Variants in INVS observed in about 807,000 individuals in gnomAD.
The protein encoded by INVS is inversin.
Under a neutral mutation model 108.8 loss-of-function variants are expected in INVS, and 86 were observed. The ratio of observed to expected loss-of-function variants is 0.79; its 90% CI spans 0.66 to 0.95. The LOEUF is 0.95. INVS is among the 40% of genes least tolerant of loss of function. INVS has a pLI of 0.00. For synonymous variants in INVS, 455 were observed against 473.5 expected, an observed-to-expected ratio of 0.96 and a Z score of 0.51; for missense variants, 1,169 against 1,297.4, an observed-to-expected ratio of 0.90 and a Z score of 1.52.
intron 3 of INVS, among the ~76,000 whole-genome samples, chr9:100,199,551 G>A (rs1195987522): frequency 1.3e-5 from 2 of 151,970 alleles, no homozygotes; most frequent in Non-Finnish European, 2.9e-5. Context: ...TTTTTAAGAG[G>A]TTGCTTTAGG....
At chr9:100,270,109 T>G (rs1193157572) in intron 11 of INVS, among the ~76,000 whole-genome samples, 3 of 140,552 alleles carry the variant, frequency 2.1e-5, no homozygotes, top group African/African-American at 7.6e-5. Flanking sequence ...TTGGGGGATT[T>G]TTTTTACTTC....
intron 10 of INVS, among the ~76,000 whole-genome samples, chr9:100,257,175 G>C (rs996888721): frequency 1.3e-5 from 2 of 152,028 alleles, no homozygotes; most frequent in African/African-American, 4.8e-5. Context: ...GGCCTTCTTT[G>C]TCTCTTTTGA....
Position 100,229,650 on chromosome 9 carries a change from G to C in INVS, c.448-10G>C. On this transcript the variant is annotated splice_polypyrimidine_tract_variant and intron_variant, in intron 4 of 16. Transcript: ENST00000262457. ...ACTGTTGTTATTTCGAGAACCTCTC[G>C]ATTTTGCAGCAAACAGCTCTGCATT... The C allele has an allele frequency of 6.2e-7, 1 of 1,613,464 alleles. No individual in the cohort carries two copies. The highest frequency in any genetic ancestry group is 8.5e-7 in the Non-Finnish European group (1 of 1,179,560).
chr9:100,195,824 A>G (rs10989010), intron 3 of INVS, among the ~76,000 whole-genome samples: 29,382 of 152,148 alleles, frequency 0.19, 4,525 homozygotes, highest in African/African-American at 0.43. Flanking sequence ...CCAACCTTGC[A>G]CTTCTGGGAT....
chr9:100,268,218 T>A (rs902319704), intron 11 of INVS, among the ~76,000 whole-genome samples: 2 of 152,164 alleles, frequency 1.3e-5, no homozygotes, highest in Admixed American at 1.3e-4. Context: ...AATACTTGTT[T>A]ATATACAGGA....
intron 3 of INVS, among the ~76,000 whole-genome samples, chr9:100,184,542 G>A (rs1829998725): frequency 6.6e-6 from 1 of 152,130 alleles, no homozygotes; most frequent in Admixed American, 6.6e-5. Flanking sequence ...ATAGGTTTGT[G>A]TAGTATTTAA....
In INVS at chr9:100,117,284, C is replaced by T. The variant is rs1827564706; in HGVS notation, c.107-9099C>T. On this transcript the variant is annotated intron_variant, in intron 2 of 16. Transcript: ENST00000262457. ...TTTGAACCTGGTGCTCTGGCCAGCA[C>T]GGGTCTGCTTCTGCACCGGCGTAAC... 5.4e-6 allele frequency: 4 copies of T among 735,696 alleles called. No homozygotes were observed. In the Admixed American group the frequency reaches 5.8e-5, roughly 11 times the overall value. The allele number at this position is 735,696 out of a possible 1,614,324, so 45.6% of individuals were successfully genotyped here. A position where few individuals can be genotyped will look rare whatever the true frequency, so the allele number is the denominator to read the frequency against.
In INVS at chr9:100,252,266, T is replaced by C; in HGVS notation, c.1079-17T>C. ...TGTTATTGACTAGTTCATCACTTTC[T>C]GTTGGTTCCCTTTTAGCTTTGCATG... On this transcript the variant is annotated splice_polypyrimidine_tract_variant and intron_variant, in intron 8 of 16. Transcript: ENST00000262457. 6.2e-7 allele frequency: 1 copy of C among 1,613,828 alleles called. No homozygotes were observed. The highest frequency in any genetic ancestry group is 8.5e-7 in the Non-Finnish European group (1 of 1,179,706).
intron 3 of INVS, among the ~76,000 whole-genome samples, chr9:100,148,711 CA>C (rs999574338): frequency 1.3e-5 from 2 of 152,172 alleles, no homozygotes; most frequent in African/African-American, 4.8e-5. Context: ...TTTAAAGCTA[CA>C]AAAACATTTT....
chr9:100,178,109 A>C (rs7860268), intron 3 of INVS, among the ~76,000 whole-genome samples: 24,267 of 152,186 alleles, frequency 0.16, 2,687 homozygotes, highest in African/African-American at 0.32. Flanking sequence ...GTGCACACTG[A>C]AACCCCATCC....
chr9:100,283,495 T>G (rs1833340060), intron 12 of INVS, among the ~76,000 whole-genome samples: 1 of 152,126 alleles, frequency 6.6e-6, no homozygotes. Context: ...TGTCTTTCCC[T>G]TGGGAATCCC....
intron 2 of INVS, among the ~76,000 whole-genome samples, chr9:100,110,100 A>G (rs1190989775): frequency 1.3e-5 from 2 of 152,248 alleles, no homozygotes; most frequent in Non-Finnish European, 2.9e-5. Flanking sequence ...AGAGTCATTA[A>G]ATGTTTTTAA....
intron 3 of INVS, among the ~76,000 whole-genome samples, chr9:100,188,959 C>G (rs1397520667): frequency 6.6e-6 from 1 of 152,044 alleles, no homozygotes; most frequent in African/African-American, 2.4e-5. Context: ...TCCATTTCCT[C>G]TAGATTTCCT....
chr9:100,189,770 T>A (rs75142946), intron 3 of INVS, among the ~76,000 whole-genome samples: 1 of 152,266 alleles, frequency 6.6e-6, no homozygotes, highest in East Asian at 1.9e-4. Context: ...TGTTTTTTTT[T>A]AATAGACGGG....
intron 3 of INVS, among the ~76,000 whole-genome samples, chr9:100,192,335 A>T (rs924814232): frequency 6.6e-6 from 1 of 151,496 alleles, no homozygotes; most frequent in African/African-American, 2.4e-5. Context: ...CTTTCACTCA[A>T]TATTTTTGAG....
At position 100,231,670 on chromosome 9, in the gene INVS, A is replaced by G. The variant is rs562350249; in HGVS notation, c.615+1843A>G. Reference sequence around the variant, plus strand: ...TTTCCAGCTTCAACCATCTCCCTGCAAAGAACATGAACTCATTCTTTTTTA... The same window carrying G: ...TTTCCAGCTTCAACCATCTCCCTGCGAAGAACATGAACTCATTCTTTTTTA... On this transcript the variant is annotated intron_variant, in intron 5 of 16. Coordinates refer to ENST00000262457, the MANE Select transcript of INVS (RefSeq NM_014425.5). Among the ~76,000 whole-genome samples the G allele has an allele frequency of 2.6e-5, 4 of 152,274 alleles. No individual in the cohort carries two copies. In the South Asian group the frequency reaches 8.3e-4, roughly 32 times the overall value.
At chr9:100,252,796 TTCTATTCATTTTAATAAA>T in intron 9 of INVS, 93 bp from the exon 10 acceptor site, 1 of 787,886 alleles carries the variant, frequency 1.3e-6, no homozygotes, top group African/African-American at 1.7e-5. Flanking sequence ...ATTGTTTTTC[TTCTATTCATTTTAATAAA>T]TGCATTTAAG....
chr9:100,253,220 G>A, intron 10 of INVS, 84 bp downstream of exon 10: 3 of 1,054,220 alleles, frequency 2.8e-6, no homozygotes, highest in Non-Finnish European at 4.3e-6. Flanking sequence ...TAAAACAACA[G>A]TTTACAAGAT....
chr9:100,105,850 C>CTTTTTTTTTTTTTTTTTTT (rs543070811), intron 2 of INVS, among the ~76,000 whole-genome samples: 4 of 63,832 alleles, frequency 6.3e-5, no homozygotes, highest in East Asian at 1.5e-3. Context: ...GAAAAATTCC[C>CTTTTTTTTTTTTTTTTTTT]TTTTTTTTTT....
Sources: gnomAD v4.1 joint callset for allele counts (sites outside exome capture counted in the v4.1 genomes callset) on GRCh38, gnomAD v4.1.1 for gene constraint, MANE v1.5 for transcripts, NCBI Gene and HGNC (gene_info 2026-07-23, HGNC 2026-07-21) for gene names.